PPM1H: variants seen among roughly 807,000 people sequenced by gnomAD.
PPM1H encodes protein phosphatase, Mg2+/Mn2+ dependent 1H.
In PPM1H, 27 loss-of-function variants were observed where a neutral mutation model predicts 54.9. The ratio of observed to expected loss-of-function variants is 0.49; its 90% CI spans 0.36 to 0.68. PPM1H has a LOEUF of 0.68. PPM1H is among the 30% of genes least tolerant of loss of function. The pLI is 0.00. For missense variants in PPM1H, 596 were observed against 667.8 expected (o/e 0.89, Z 1.19); for synonymous variants, 305 against 270.8 (o/e 1.13, Z -1.24).
chr12:62,741,369 C>T (rs975537856), intron 4 of PPM1H, among the ~76,000 whole-genome samples: 1 of 152,222 alleles, frequency 6.6e-6, no homozygotes, highest in Non-Finnish European at 1.5e-5. Flanking sequence ...TTCTGCCCTC[C>T]TCTGCCCCGT....
At position 62,737,532 on chromosome 12, in the gene PPM1H, G is replaced by C. The variant is rs571729631; in HGVS notation, c.924C>G (p.Pro308=). 14 of 1,586,780 alleles carry C rather than the reference G, an allele frequency of 8.8e-6. No individual in the cohort carries two copies. The highest frequency in any genetic ancestry group is 8.1e-5 in the African/African-American group (6 of 74,310). Residue 308 remains proline (P), a synonymous_variant, in exon 5 of 10, where the codon CCC becomes CCG. Transcript: ENST00000228705. ...ACTGAAGTCGCTGGCGCTCCGTCTC[G>C]GGGGTAAATTCTGAAGACATGGGGA... ...EIIPMSSEFT[P]ETERQRLQYL... is the part of the protein sequence containing the mutation.
intron 1 of PPM1H, among the ~76,000 whole-genome samples, chr12:62,864,316 T>G (rs944934252): frequency 1.1e-4 from 16 of 152,230 alleles, no homozygotes; most frequent in Admixed American, 2.0e-4. Flanking sequence ...GCATGGTACA[T>G]AACTTGTAAG....
At chr12:62,708,111 A>G (rs544877899) in intron 6 of PPM1H, among the ~76,000 whole-genome samples, 1 of 152,374 alleles carries the variant, frequency 6.6e-6, no homozygotes. Context: ...ACTAGTTCTG[A>G]AACACCGCTG....
chr12:62,693,484 C>T (rs2076094797), intron 7 of PPM1H, among the ~76,000 whole-genome samples: 1 of 152,204 alleles, frequency 6.6e-6, no homozygotes, highest in Non-Finnish European at 1.5e-5. Context: ...AAAGCCAAGG[C>T]ACCACATCCG....
intron 3 of PPM1H, among the ~76,000 whole-genome samples, chr12:62,792,604 C>T (rs575959750): frequency 3.0e-4 from 46 of 152,322 alleles, no homozygotes; most frequent in African/African-American, 8.4e-4. Context: ...ATTTGAAAGA[C>T]GTGTTTCCAT....
At position 62,934,967 on chromosome 12, in the gene PPM1H, G is replaced by T. The variant is rs1872283949; in HGVS notation, c.-231C>A. On this transcript the variant is annotated 5_prime_UTR_variant, in exon 1 of 10. Coordinates refer to ENST00000228705, the MANE Select transcript of PPM1H (RefSeq NM_020700.2). The surrounding 1 kb of genome is among the most constrained non-coding windows in gnomAD (Gnocchi z 4.2). Reference sequence around the variant, plus strand: ...CCCCCCGCTACACTTCCGCAACGGAGCTGCATGGAGCGGGCCGACCGGGGG... The same window carrying T: ...CCCCCCGCTACACTTCCGCAACGGATCTGCATGGAGCGGGCCGACCGGGGG... 3.6e-6 allele frequency: 1 copy of T among 277,288 alleles called. No individual in the cohort carries two copies. Among genetic ancestry groups the T allele is most frequent in the Admixed American group, 5.4e-5 (1 of 18,602 alleles). 17.2% of individuals were successfully genotyped at this position (277,288 alleles called of 1,614,324 possible). A position where few individuals can be genotyped will look rare whatever the true frequency, so the allele number is the denominator to read the frequency against.
chr12:62,884,500 T>TAAAAAAAAAAAAAAAA (rs1417272865), intron 1 of PPM1H, among the ~76,000 whole-genome samples: 1 of 17,218 alleles, frequency 5.8e-5, no homozygotes, highest in Admixed American at 7.0e-4. Flanking sequence ...AAACTCCATA[T>TAAAAAAAAAAAAAAAA]CAAAAAAAAA....
At chr12:62,668,770 TAG>T (rs2075936165) in intron 8 of PPM1H, among the ~76,000 whole-genome samples, 1 of 152,252 alleles carries the variant, frequency 6.6e-6, no homozygotes, top group African/African-American at 2.4e-5. Context: ...ACCTCAGATC[TAG>T]AGACAATCAT....
At chr12:62,726,866 A>G (rs1216230959) in intron 5 of PPM1H, among the ~76,000 whole-genome samples, 1 of 152,214 alleles carries the variant, frequency 6.6e-6, no homozygotes, top group Non-Finnish European at 1.5e-5. Flanking sequence ...CAATAAGCCC[A>G]AAGTCTGTAA....
intron 1 of PPM1H, among the ~76,000 whole-genome samples, chr12:62,857,368 G>A (rs1276928743): frequency 1.3e-5 from 2 of 152,174 alleles, no homozygotes; most frequent in African/African-American, 2.4e-5. Context: ...CTCCTGGTTT[G>A]GTTAGAAGCA....
At chr12:62,897,296 C>G (rs1385955543) in intron 1 of PPM1H, among the ~76,000 whole-genome samples, 4 of 151,992 alleles carry the variant, frequency 2.6e-5, no homozygotes, top group Admixed American at 6.6e-5. Flanking sequence ...GTGCCCTCCC[C>G]CATTATAAAA....
chr12:62,712,919 A>AAC (rs2076215058), intron 6 of PPM1H, among the ~76,000 whole-genome samples: 1 of 152,234 alleles, frequency 6.6e-6, no homozygotes, highest in South Asian at 2.1e-4. Context: ...ATCAATTTAT[A>AAC]TTAAATGCGG....
intron 4 of PPM1H, among the ~76,000 whole-genome samples, chr12:62,787,913 C>T (rs961924731): frequency 6.6e-6 from 1 of 152,156 alleles, no homozygotes; most frequent in Non-Finnish European, 1.5e-5. Context: ...GCACTCGAAT[C>T]CCTTTCCTTC....
intron 8 of PPM1H, among the ~76,000 whole-genome samples, chr12:62,672,570 C>T (rs542488250): frequency 2.0e-5 from 3 of 152,258 alleles, no homozygotes; most frequent in South Asian, 2.1e-4. Flanking sequence ...AACAGGACCC[C>T]AGGGAATTCT....
intron 1 of PPM1H, among the ~76,000 whole-genome samples, chr12:62,885,229 G>A (rs12313697): frequency 0.54 from 82,282 of 151,872 alleles, 23,627 homozygotes; most frequent in African/African-American, 0.73. Flanking sequence ...TAGGAGATAC[G>A]ATTCAAGTTG....
At position 62,696,421 on chromosome 12, in the gene PPM1H, G is replaced by A. The variant is rs138801539; in HGVS notation, c.1074-2422C>T. Among the ~76,000 whole-genome samples the A allele has an allele frequency of 2.2e-4, 33 of 152,272 alleles. No individual in the cohort carries two copies. In the East Asian group the frequency reaches 6.2e-3, roughly 28 times the overall value. ...AGTGTTGGTTTTCAATCAACTATGA[G>A]CACTCCCTCTCCCCCAGCAACTAAC... On this transcript the variant is annotated intron_variant, in intron 6 of 9. Coordinates refer to ENST00000228705, the MANE Select transcript of PPM1H (RefSeq NM_020700.2).
chr12:62,811,485 C>T (rs914970119), intron 2 of PPM1H, among the ~76,000 whole-genome samples: 2 of 152,190 alleles, frequency 1.3e-5, no homozygotes, highest in African/African-American at 2.4e-5. Flanking sequence ...TGCTTCTGTT[C>T]ACCTTTCTTA....
rs958364259 is a variant in PPM1H, at chr12:62,767,029, G to A, written c.869+21197C>T. Among the ~76,000 whole-genome samples the A allele has an allele frequency of 2.0e-5, 3 of 152,296 alleles. No homozygotes were observed. In the South Asian group the frequency reaches 6.2e-4, roughly 32 times the overall value. On this transcript the variant is annotated intron_variant, in intron 4 of 9. Coordinates refer to ENST00000228705, the MANE Select transcript of PPM1H (RefSeq NM_020700.2). Reference sequence around the variant, plus strand: ...GTTAGGGCTGTGGGGGAAGCAGAATGATCAAGTGTGAGGGAAGTTCAAGTC... The same window carrying A: ...GTTAGGGCTGTGGGGGAAGCAGAATAATCAAGTGTGAGGGAAGTTCAAGTC...
intron 8 of PPM1H, among the ~76,000 whole-genome samples, chr12:62,683,036 A>ATTT (rs1565755346): frequency 9.1e-5 from 2 of 22,086 alleles, no homozygotes; most frequent in East Asian, 2.1e-3. Context: ...TTTATTATTT[A>ATTT]TTATTATTAT....
Sources: allele counts gnomAD v4.1 joint callset (sites outside exome capture counted in the v4.1 genomes callset), GRCh38; gene constraint gnomAD v4.1.1; non-coding constraint Gnocchi (gnomAD v3.1); transcripts MANE v1.5; gene names NCBI Gene and HGNC (gene_info 2026-07-23, HGNC 2026-07-21).